Variants in SBF2 observed in about 807,000 individuals in gnomAD.
SBF2 encodes the protein myotubularin-related protein 13.
SBF2 carries 112 observed loss-of-function variants against 225.2 expected under a neutral mutation model. The ratio of observed to expected loss-of-function variants is 0.50; its 90% CI spans 0.43 to 0.58. The LOEUF (loss-of-function observed/expected upper bound fraction) is 0.58, where lower values mean the gene tolerates loss of function less well. SBF2 is among the 20% of genes least tolerant of loss of function. The pLI, the probability that SBF2 is intolerant of heterozygous loss-of-function variation, is 0.00. For synonymous variants in SBF2, 763 were observed against 773.3 expected (o/e 0.99, Z 0.22); for missense variants, 1,996 against 2,206.2 (o/e 0.90, Z 1.91).
At chr11:10,267,612 C>T (rs1013940782) in intron 1 of SBF2, among the ~76,000 whole-genome samples, 6 of 150,920 alleles carry the variant, frequency 4.0e-5, no homozygotes, top group Admixed American at 1.3e-4. Flanking sequence ...TTTTTTGAGA[C>T]AGGGTCTTAC....
intron 16 of SBF2, among the ~76,000 whole-genome samples, chr11:9,930,288 C>A (rs1196969097): frequency 6.6e-6 from 1 of 152,000 alleles, no homozygotes. Context: ...GTACTATTCA[C>A]CATTAAAAAG....
At chr11:10,099,110 T>A (rs1952173153) in intron 2 of SBF2, among the ~76,000 whole-genome samples, 1 of 152,140 alleles carries the variant, frequency 6.6e-6, no homozygotes, top group Non-Finnish European at 1.5e-5. Context: ...ACTTCCATGT[T>A]CATGAAGCTC....
At chr11:9,999,413 C>G (rs1466454969) in intron 8 of SBF2, among the ~76,000 whole-genome samples, 1 of 152,072 alleles carries the variant, frequency 6.6e-6, no homozygotes, top group African/African-American at 2.4e-5. Context: ...CTCCACCTCC[C>G]AGGTTCAAGT....
At chr11:10,193,619 T>C (rs1489515143) in intron 2 of SBF2, among the ~76,000 whole-genome samples, 2 of 152,280 alleles carry the variant, frequency 1.3e-5, no homozygotes, top group African/African-American at 4.8e-5. Flanking sequence ...CCCAAAGTGC[T>C]GGGATTACAG....
At chr11:9,929,075 G>A in intron 16 of SBF2, 1 of 395,614 alleles carries the variant, frequency 2.5e-6, no homozygotes, top group Admixed American at 2.9e-5. Flanking sequence ...AAGATGAGGA[G>A]TGTAGTGACC....
At chr11:9,947,320 A>C (rs1865619714) in intron 16 of SBF2, among the ~76,000 whole-genome samples, 1 of 152,228 alleles carries the variant, frequency 6.6e-6, no homozygotes, top group Admixed American at 6.5e-5. Context: ...GTAAGGGAAC[A>C]GAAAAATGTC....
intron 1 of SBF2, among the ~76,000 whole-genome samples, chr11:10,197,537 T>C (rs1363783256): frequency 3.9e-5 from 6 of 152,266 alleles, no homozygotes; most frequent in Non-Finnish European, 8.8e-5. Context: ...GCTGGTAGAA[T>C]GTCTTGCTTC....
chr11:10,094,467 C>A (rs1370393201), intron 2 of SBF2, among the ~76,000 whole-genome samples: 1 of 150,384 alleles, frequency 6.6e-6, no homozygotes, highest in Non-Finnish European at 1.5e-5. Context: ...GCATATGAGT[C>A]TGTGGGTATG....
chr11:9,877,083 T>C (rs967157509), intron 17 of SBF2, among the ~76,000 whole-genome samples: 2 of 152,178 alleles, frequency 1.3e-5, no homozygotes, highest in African/African-American at 4.8e-5. Context: ...CATTCTATTT[T>C]GTATTACATT....
At chr11:9,850,293 T>C in intron 21 of SBF2, 75 bp from the exon 22 acceptor site, 2 of 1,385,274 alleles carry the variant, frequency 1.4e-6, no homozygotes, top group Admixed American at 3.5e-5. Flanking sequence ...TCTTGCTCTG[T>C]TGCCCAGCCT....
chr11:9,846,650 G>A (rs1274786809), intron 23 of SBF2, among the ~76,000 whole-genome samples: 1 of 152,160 alleles, frequency 6.6e-6, no homozygotes, highest in Non-Finnish European at 1.5e-5. Context: ...TTTATCTAAA[G>A]GCTTCATCAA....
intron 13 of SBF2, among the ~76,000 whole-genome samples, chr11:9,983,240 G>A (rs1003251544): frequency 6.6e-5 from 10 of 152,176 alleles, no homozygotes; most frequent in Non-Finnish European, 1.5e-5. Context: ...GCTACTGGGG[G>A]GCACAGCGGG....
chr11:10,060,023 AC>A (rs1950373671), intron 2 of SBF2, among the ~76,000 whole-genome samples: 2 of 152,164 alleles, frequency 1.3e-5, no homozygotes, highest in African/African-American at 2.4e-5. Context: ...ACGAGAAATA[AC>A]AAAAATCAGA....
At chr11:9,852,800 A>C in intron 20 of SBF2, 51 bp from the exon 21 acceptor site, 1 of 1,333,548 alleles carries the variant, frequency 7.5e-7, no homozygotes, top group Admixed American at 1.7e-5. Flanking sequence ...AAGCAGGATA[A>C]AAACAAATTC....
At chr11:9,819,821 T>G (rs1271903469) in intron 28 of SBF2, among the ~76,000 whole-genome samples, 1 of 152,250 alleles carries the variant, frequency 6.6e-6, no homozygotes, top group Non-Finnish European at 1.5e-5. Context: ...GGGCATGTTT[T>G]TGCAGTAGAG....
chr11:10,265,940 G>A (rs1321565102), intron 1 of SBF2, among the ~76,000 whole-genome samples: 2 of 152,114 alleles, frequency 1.3e-5, no homozygotes, highest in African/African-American at 4.8e-5. Context: ...GGCTGGTTTT[G>A]AACTTCTAGC....
At chr11:10,114,539 G>A (rs1953039497) in intron 2 of SBF2, among the ~76,000 whole-genome samples, 1 of 152,076 alleles carries the variant, frequency 6.6e-6, no homozygotes, top group South Asian at 2.1e-4. Context: ...ATGTAAGTCT[G>A]CCTTTGCATG....
At chr11:9,901,912 C>T (rs961505630) in intron 16 of SBF2, among the ~76,000 whole-genome samples, 1 of 152,216 alleles carries the variant, frequency 6.6e-6, no homozygotes. Flanking sequence ...TCCCAAAGTG[C>T]TGGGATCATA....
chr11:10,150,241 C>G (rs568497912), intron 2 of SBF2, among the ~76,000 whole-genome samples: 17 of 152,248 alleles, frequency 1.1e-4, no homozygotes, highest in African/African-American at 3.9e-4. Context: ...TTTAGTTACT[C>G]TAGTATATAA....
Sources: allele counts gnomAD v4.1 joint callset (sites outside exome capture counted in the v4.1 genomes callset), GRCh38; gene constraint gnomAD v4.1.1; transcripts MANE v1.5; gene names NCBI Gene and HGNC (gene_info 2026-07-23, HGNC 2026-07-21).